OR8J3: variants seen among roughly 807,000 people sequenced by gnomAD.
OR8J3 encodes the protein olfactory receptor family 8 subfamily J member 3, also known as olfactory receptor 8J3.
For synonymous variants in OR8J3, 170 were observed against 142.6 expected, an observed-to-expected ratio of 1.19 and a Z score of -1.37; for missense variants, 418 against 379.8, an observed-to-expected ratio of 1.10 and a Z score of -0.84.
Position 56,138,278 on chromosome 11 carries a change from T to C in OR8J3, c.-560A>G, listed in dbSNP as rs1418661742. On this transcript the variant is annotated 5_prime_UTR_variant, in exon 2 of 2. Transcript: ENST00000642058. ...ATGTTTGTTTACTACTTTTTCTCTT[T>C]CCATTTTATTAACTCAAACAAAAAT... The C allele has an allele frequency of 6.6e-6, 1 of 152,290 alleles. No individual in the cohort carries two copies. Among genetic ancestry groups the C allele is most frequent in the African/African-American group, 2.4e-5 (1 of 41,448 alleles). The allele number at this position is 152,290 out of a possible 1,614,324, so 9.4% of individuals were successfully genotyped here.
chr11:56,138,714 A>C (rs1053433380), intron 1 of OR8J3, among the ~76,000 whole-genome samples: 18 of 151,024 alleles, frequency 1.2e-4, no homozygotes, highest in African/African-American at 4.4e-4. Context: ...AAAAATCAGT[A>C]AGATTTTTAT....
At position 56,138,110 on chromosome 11, in the gene OR8J3, A is replaced by C. The variant is rs1854353806; in HGVS notation, c.-392T>G. ...AGGCTTAAGAAATTGTATATCGCCA[A>C]ATAATCCAATGGCTACTTGCAATTT... On this transcript the variant is annotated 5_prime_UTR_variant, in exon 2 of 2. In the 5' UTR this introduces an upstream ATG that the reference lacks. Transcript: ENST00000642058. The C allele has an allele frequency of 1.1e-5, 2 of 181,162 alleles. No homozygotes were observed. The highest frequency in any genetic ancestry group is 3.0e-4 in the South Asian group (2 of 6,750). 11.2% of individuals were successfully genotyped at this position (181,162 alleles called of 1,614,324 possible). A position where few individuals can be genotyped will look rare whatever the true frequency, so the allele number is the denominator to read the frequency against.
chr11:56,139,336 G>GA (rs1590754527), intron 1 of OR8J3, among the ~76,000 whole-genome samples: 1 of 140,638 alleles, frequency 7.1e-6, no homozygotes, highest in African/African-American at 2.5e-5. Flanking sequence ...TCTACAGTGA[G>GA]AAAAAATAAA....
intron 1 of OR8J3, among the ~76,000 whole-genome samples, chr11:56,139,950 C>A (rs985641445): frequency 6.6e-6 from 1 of 152,122 alleles, no homozygotes; most frequent in Non-Finnish European, 1.5e-5. Context: ...CTGTAACGTG[C>A]ATAGATAGGA....
In OR8J3 at chr11:56,134,826, G is replaced by A. The variant is rs1361470817; in HGVS notation, c.*1945C>T. Reference sequence around the variant, plus strand: ...TTCACAATACCAGGCTAGTATAGATGCCCAAACATTTCTGGCAAATTAATT... The same window carrying A: ...TTCACAATACCAGGCTAGTATAGATACCCAAACATTTCTGGCAAATTAATT... On this transcript the variant is annotated 3_prime_UTR_variant, in exon 2 of 2. Transcript: ENST00000642058. 6.6e-6 allele frequency: 1 copy of A among 151,966 alleles called. No individual in the cohort carries two copies. The highest frequency in any genetic ancestry group is 1.5e-5 in the Non-Finnish European group (1 of 67,902). 9.4% of individuals were successfully genotyped at this position (151,966 alleles called of 1,614,324 possible). A position where few individuals can be genotyped will look rare whatever the true frequency, so the allele number is the denominator to read the frequency against.
rs542866030 is a variant in OR8J3 at position 56,136,899 on chromosome 11, C to T, written c.820G>A (p.Ala274Thr). ...TNHSLDTDKMASVFYTLVIPM... is the reference protein window; with the variant it reads ...TNHSLDTDKMTSVFYTLVIPM... ...ATCACCAATGTGTAAAACACAGAAG[C>T]CATCTTATCAGTATCCAGTGAGTGG... The change falls in exon 2 of 2, where the codon GCT becomes ACT. Residue 274 changes from alanine (A) to threonine (T), a missense_variant. Coordinates refer to ENST00000642058, the MANE Select transcript of OR8J3 (RefSeq NM_001004064.2). 5.0e-6 allele frequency: 8 copies of T among 1,614,050 alleles called. No homozygotes were observed. Among genetic ancestry groups the T allele is most frequent in the Non-Finnish European group, 6.8e-6 (8 of 1,179,946 alleles).
At position 56,136,964 on chromosome 11, in the gene OR8J3, T is replaced by C. The variant is rs757861454; in HGVS notation, c.755A>G (p.Tyr252Cys). ...CAAATACATAAATAGCATTGTCCCA[T>C]AGAAAACCGTGACTGCTATCATATG... ...ASHMIAVTVF[Y>C]GTMLFMYLQP... Residue 252 changes from tyrosine to cysteine, a missense_variant, in exon 2 of 2, where the codon TAT becomes TGT. By Grantham distance (194) the Tyr-to-Cys change is radical (BLOSUM62 -2). Coordinates refer to ENST00000642058, the MANE Select transcript of OR8J3 (RefSeq NM_001004064.2). The C allele has an allele frequency of 1.3e-5, 21 of 1,613,438 alleles. No individual in the cohort carries two copies. The highest frequency in any genetic ancestry group is 1.1e-4 in the East Asian group (5 of 44,876).
At position 56,137,854 on chromosome 11, in the gene OR8J3, T is replaced by C. The variant is rs1277896499; in HGVS notation, c.-136A>G. The C allele has an allele frequency of 2.7e-5, 19 of 697,796 alleles. No homozygotes were observed. In the Admixed American group the frequency reaches 5.7e-4, roughly 21 times the overall value. 43.2% of individuals were successfully genotyped at this position (697,796 alleles called of 1,614,324 possible). On this transcript the variant is annotated 5_prime_UTR_variant, in exon 2 of 2. Coordinates refer to ENST00000642058, the MANE Select transcript of OR8J3 (RefSeq NM_001004064.2). ...TCTTCTTGTCATGTATTAATCTAAT[T>C]CAGTTATTAAACTCAGTATTCTCAG...
At position 56,137,178 on chromosome 11, in the gene OR8J3, T is replaced by C; in HGVS notation, c.541A>G (p.Ile181Val). The change falls in exon 2 of 2, where the codon ATT (isoleucine) becomes GTT (valine). Residue 181 changes from isoleucine to valine, a missense_variant. Physicochemically the swap from Ile to Val is conservative, Grantham distance 29. Coordinates refer to ENST00000642058, the MANE Select transcript of OR8J3 (RefSeq NM_001004064.2). ...SNIINHFYCD[I>V]APLLALSCSD... is the part of the protein sequence containing the mutation. ...CAAGATAATGCTAACAGAGGTGCAATATCACAGTAAAAATGATTGATTATA... is the reference window on the plus strand; with the variant it reads ...CAAGATAATGCTAACAGAGGTGCAACATCACAGTAAAAATGATTGATTATA... 1 of 1,613,868 alleles carries C rather than the reference T, an allele frequency of 6.2e-7. No homozygotes were observed. Among genetic ancestry groups the C allele is most frequent in the Non-Finnish European group, 8.5e-7 (1 of 1,179,884 alleles).
chr11:56,137,350 A>C lies in OR8J3; in HGVS notation c.369T>G (p.Tyr123Ter). Reference protein sequence around the residue: ...MMLAVMAYDRYVAICNPLLYM... With the variant: ...MMLAVMAYDR The stretch of plus-strand genomic sequence containing the variant: ...AGAGCAGAGGGTTACAAATGGCCAC[A>C]TAGCGGTCATAGGCCATCACAGCCA... The change falls in exon 2 of 2, where the codon TAT becomes TAG. Residue 123 changes from tyrosine (Y) to a stop codon, truncating the protein, a stop_gained. Transcript: ENST00000642058. LOFTEE classifies it low-confidence loss of function (END_TRUNC). 1 of 1,614,136 alleles carries C rather than the reference A, an allele frequency of 6.2e-7. No individual in the cohort carries two copies. Among genetic ancestry groups the C allele is most frequent in the Non-Finnish European group, 8.5e-7 (1 of 1,180,010 alleles).
At position 56,136,925 on chromosome 11, in the gene OR8J3, T is replaced by C. The variant is rs767506220; in HGVS notation, c.794A>G (p.Asn265Ser). The C allele has an allele frequency of 1.4e-5, 23 of 1,613,932 alleles. No individual in the cohort carries two copies. In the South Asian group the frequency reaches 2.4e-4, roughly 17 times the overall value. Residue 265 changes from asparagine to serine, a missense_variant, in exon 2 of 2, where the codon AAC becomes AGC. Physicochemically the swap from Asn to Ser is conservative, Grantham distance 46. Transcript: ENST00000642058. The part of the protein sequence containing the change: ...MLFMYLQPQT[N>S]HSLDTDKMAS... ...CATCTTATCAGTATCCAGTGAGTGG[T>C]TGGTTTGGGGCTGCAAATACATAAA...
Position 56,137,001 on chromosome 11 carries a change from T to C in OR8J3, c.718A>G (p.Thr240Ala). 2.5e-6 allele frequency: 4 copies of C among 1,613,392 alleles called. No homozygotes were observed. Among genetic ancestry groups the C allele is most frequent in the South Asian group, 2.2e-5 (2 of 90,918 alleles). Residue 240 changes from threonine (T) to alanine (A), a missense_variant, in exon 2 of 2, where the codon ACC becomes GCC. Transcript: ENST00000642058. The stretch of plus-strand genomic sequence containing the variant: ...ACTGCTATCATATGCGAAGCGCAGG[T>C]GGAAAAGGCTTTTTTCCTTCCTTCT... ...SPEGRKKAFS[T>A]CASHMIAVTV...
In OR8J3 at chr11:56,137,010, C is replaced by CT. The variant is rs1214882553; in HGVS notation, c.708dup (p.Ala237SerfsTer35). On this transcript the variant is annotated frameshift_variant, in exon 2 of 2. Transcript: ENST00000642058. LOFTEE classifies it low-confidence loss of function (END_TRUNC). The stretch of plus-strand genomic sequence containing the variant: ...ATATGCGAAGCGCAGGTGGAAAAGG[C>CT]TTTTTTCCTTCCTTCTGGTGAACGT... The CT allele has an allele frequency of 1.2e-6, 2 of 1,613,372 alleles. No homozygotes were observed. The highest frequency in any genetic ancestry group is 3.3e-4 in the Middle Eastern group (2 of 6,074).
At position 56,139,547 on chromosome 11, in the gene OR8J3, T is replaced by C. The variant is rs147817155; in HGVS notation, c.-780+626A>G. On this transcript the variant is annotated intron_variant, in intron 1 of 1. Transcript: ENST00000642058. ...ATGTTCGAGCTTCAGATAAATTACC[T>C]GACCCTCAGATCGTGAATATGTTAT... is the stretch of plus-strand genomic sequence containing the variant. Among the ~76,000 whole-genome samples, 483 of 152,288 alleles carry C rather than the reference T, an allele frequency of 3.2e-3. 3 individuals carry two copies. The highest frequency in any genetic ancestry group is 0.011 in the African/African-American group (449 of 41,566).
In OR8J3 at chr11:56,138,464, G is replaced by C. The variant is rs1360619377; in HGVS notation, c.-746C>G. ...GGGCAGATCATGAGGTCAGGAGATG[G>C]AGACCACCCTGGCTAACACAGTGAA... On this transcript the variant is annotated 5_prime_UTR_variant, in exon 2 of 2. Transcript: ENST00000642058. 1 of 152,028 alleles carries C rather than the reference G, an allele frequency of 6.6e-6. No individual in the cohort carries two copies. Among genetic ancestry groups the C allele is most frequent in the Non-Finnish European group, 1.5e-5 (1 of 68,054 alleles). The allele number at this position is 152,028 out of a possible 1,614,324, so 9.4% of individuals were successfully genotyped here. A position where few individuals can be genotyped will look rare whatever the true frequency, so the allele number is the denominator to read the frequency against.
chr11:56,137,139 T>C lies in OR8J3; in HGVS notation c.580A>G (p.Ile194Val), dbSNP rs755743354. Residue 194 changes from isoleucine to valine, a missense_variant, in exon 2 of 2, where the codon ATA becomes GTA. Physicochemically the swap from Ile to Val is conservative, Grantham distance 29 (BLOSUM62 3). Coordinates refer to ENST00000642058, the MANE Select transcript of OR8J3 (RefSeq NM_001004064.2). The part of the protein sequence containing the change: ...LLALSCSDTY[I>V]PETIVFISAA... ...GATATAAAGACTATTGTTTCTGGTA[T>C]GTAAGTATCAGAGCAAGATAATGCT... 1.2e-6 allele frequency: 2 copies of C among 1,612,974 alleles called. No homozygotes were observed. Among genetic ancestry groups the C allele is most frequent in the Non-Finnish European group, 1.7e-6 (2 of 1,179,516 alleles).
Position 56,136,883 on chromosome 11 carries a change from G to T in OR8J3, c.836C>A (p.Thr279Lys). ...GGGATTCAGCATAGGAATCACCAATGTGTAAAACACAGAAGCCATCTTATC... is the reference window on the plus strand; with the variant it reads ...GGGATTCAGCATAGGAATCACCAATTTGTAAAACACAGAAGCCATCTTATC... ...DTDKMASVFY[T>K]LVIPMLNPLI... Residue 279 changes from threonine (T) to lysine (K), a missense_variant, in exon 2 of 2, where the codon ACA (threonine) becomes AAA (lysine). By Grantham distance (78) the Thr-to-Lys change is moderately conservative (BLOSUM62 -1). Transcript: ENST00000642058. 6.2e-7 allele frequency: 1 copy of T among 1,613,926 alleles called. No individual in the cohort carries two copies. The highest frequency in any genetic ancestry group is 1.1e-5 in the South Asian group (1 of 91,062).
In OR8J3 at chr11:56,137,174, G is replaced by A. The variant is rs1854340175; in HGVS notation, c.545C>T (p.Ala182Val). ...NIINHFYCDI[A>V]PLLALSCSDT... ...AGAGCAAGATAATGCTAACAGAGGT[G>A]CAATATCACAGTAAAAATGATTGAT... The change falls in exon 2 of 2, where the codon GCA becomes GTA. Residue 182 changes from alanine to valine, a missense_variant. Physicochemically the swap from Ala to Val is moderately conservative, Grantham distance 64. Transcript: ENST00000642058. The A allele has an allele frequency of 1.9e-6, 3 of 1,613,776 alleles. No individual in the cohort carries two copies. The highest frequency in any genetic ancestry group is 2.5e-6 in the Non-Finnish European group (3 of 1,179,784).
Position 56,137,580 on chromosome 11 carries a change from T to G in OR8J3, c.139A>C (p.Thr47Pro), listed in dbSNP as rs1261399286. 12 of 1,613,904 alleles carry G rather than the reference T, an allele frequency of 7.4e-6. No individual in the cohort carries two copies. Among genetic ancestry groups the G allele is most frequent in the Non-Finnish European group, 8.5e-6 (10 of 1,180,026 alleles). The stretch of plus-strand genomic sequence containing the variant: ...AGTCGAGAGTCAACACTGGTGAGGG[T>G]GATGATGCCCAGGTTCCCTGCCATG... Reference protein sequence around the residue: ...LTMAGNLGIITLTSVDSRLQN... With the variant: ...LTMAGNLGIIPLTSVDSRLQN... The change falls in exon 2 of 2, where the codon ACC (threonine) becomes CCC (proline). Residue 47 changes from threonine (T) to proline (P), a missense_variant. Transcript: ENST00000642058.
Sources: gnomAD v4.1 joint callset for allele counts (sites outside exome capture counted in the v4.1 genomes callset) on GRCh38, gnomAD v4.1.1 for gene constraint, MANE v1.5 for transcripts, NCBI Gene and HGNC (gene_info 2026-07-23, HGNC 2026-07-21) for gene names.